SNX31: variants seen among roughly 807,000 people sequenced by gnomAD.
SNX31 encodes sorting nexin-31.
In SNX31, 58 loss-of-function variants were observed where a neutral mutation model predicts 65.4. The observed-to-expected ratio is 0.89, with a 90% confidence interval of 0.72 to 1.10. The LOEUF is 1.10. SNX31 is among the 50% of genes least tolerant of loss of function. The pLI, the probability that SNX31 is intolerant of heterozygous loss-of-function variation, is 0.00. For missense variants in SNX31, 523 were observed against 529.7 expected, an observed-to-expected ratio of 0.99 and a Z score of 0.12; for synonymous variants, 181 against 190.1, an observed-to-expected ratio of 0.95 and a Z score of 0.39.
At chr8:100,628,988 A>G (rs1818245767) in intron 4 of SNX31, among the ~76,000 whole-genome samples, 1 of 152,148 alleles carries the variant, frequency 6.6e-6, no homozygotes, top group South Asian at 2.1e-4. Context: ...TCAATTGTCT[A>G]CAGTATGCAG....
At chr8:100,590,643 A>G (rs1339714664) in intron 10 of SNX31, among the ~76,000 whole-genome samples, 3 of 150,768 alleles carry the variant, frequency 2.0e-5, no homozygotes, top group Non-Finnish European at 4.4e-5. Context: ...TTAGCTGGGT[A>G]TGGTGGCTGG....
At chr8:100,597,163 GAA>G (rs769587434) in intron 9 of SNX31, among the ~76,000 whole-genome samples, 1 of 151,446 alleles carries the variant, frequency 6.6e-6, no homozygotes, top group Non-Finnish European at 1.5e-5. Context: ...GAAGAATGAA[GAA>G]AAGAGTCCAT....
At chr8:100,642,901 C>G (rs1222300966) in intron 2 of SNX31, among the ~76,000 whole-genome samples, 1 of 151,962 alleles carries the variant, frequency 6.6e-6, no homozygotes, top group Non-Finnish European at 1.5e-5. Flanking sequence ...TTCATAAACC[C>G]CAGAACAGGG....
intron 10 of SNX31, among the ~76,000 whole-genome samples, chr8:100,591,564 G>A (rs1814595323): frequency 1.3e-5 from 2 of 151,984 alleles, no homozygotes; most frequent in Admixed American, 1.3e-4. Flanking sequence ...CCAGGCATGG[G>A]GGCTCATGCC....
In SNX31 at chr8:100,612,921, G is replaced by T; in HGVS notation, c.523+74C>A. 7.6e-7 allele frequency: 1 copy of T among 1,308,212 alleles called. No homozygotes were observed. The highest frequency in any genetic ancestry group is 1.1e-6 in the Non-Finnish European group (1 of 902,424). The allele number at this position is 1,308,212 out of a possible 1,614,324, so 81.0% of individuals were successfully genotyped here. ...CCAGTGGGTGGCCAGCCCCTCAGCTGTGACTCCTATGAGCCCCTGCTCACA... is the reference window on the plus strand; with the variant it reads ...CCAGTGGGTGGCCAGCCCCTCAGCTTTGACTCCTATGAGCCCCTGCTCACA... On this transcript the variant is annotated intron_variant, in intron 6 of 13. Transcript: ENST00000311812. This position sits in a 1 kb window ranked among gnomAD's most constrained non-coding sequence, Gnocchi z 4.3.
intron 8 of SNX31, among the ~76,000 whole-genome samples, chr8:100,603,529 G>A (rs767553770): frequency 6.0e-5 from 9 of 151,014 alleles, no homozygotes; most frequent in Non-Finnish European, 1.0e-4. Flanking sequence ...TCCGCCTCCC[G>A]GGTTCAAGTG....
At chr8:100,624,949 G>A (rs375828590) in intron 4 of SNX31, among the ~76,000 whole-genome samples, 2 of 151,924 alleles carry the variant, frequency 1.3e-5, no homozygotes, top group South Asian at 2.1e-4. Flanking sequence ...CTATAGACAC[G>A]TGCCACTACC....
rs187623210 is a variant in SNX31 at position 100,626,827 on chromosome 8, A to G, written c.321+3500T>C. Among the ~76,000 whole-genome samples, 48 of 152,314 alleles carry G rather than the reference A, an allele frequency of 3.2e-4. No homozygotes were observed. The highest frequency in any genetic ancestry group is 5.0e-4 in the Non-Finnish European group (34 of 68,034). On this transcript the variant is annotated intron_variant, in intron 4 of 13. Transcript: ENST00000311812. This position sits in a 1 kb window ranked among gnomAD's most constrained non-coding sequence, Gnocchi z 4.4. ...AATGAAGACCTCAAAGAATAGATAA[A>G]AGCCTCAAGAAATAAGATAACAAAA...
At chr8:100,598,698 C>A (rs1234497123) in intron 9 of SNX31, among the ~76,000 whole-genome samples, 1 of 149,838 alleles carries the variant, frequency 6.7e-6, no homozygotes, top group African/African-American at 2.6e-5. Context: ...TTAACATACA[C>A]AGCTGCAGAA....
intron 4 of SNX31, chr8:100,619,732 C>G (rs1447046213): frequency 6.6e-6 from 1 of 152,268 alleles, no homozygotes; most frequent in Non-Finnish European, 1.5e-5. Flanking sequence ...CACAGCCTTT[C>G]TCATCCCAGA....
intron 10 of SNX31, among the ~76,000 whole-genome samples, chr8:100,595,881 A>G (rs1243766604): frequency 1.3e-5 from 2 of 152,230 alleles, no homozygotes; most frequent in African/African-American, 4.8e-5. Context: ...GCAATGCCAG[A>G]AACACCAGAA....
chr8:100,577,195 G>C (rs577408735), intron 12 of SNX31, 120 bp from the exon 13 acceptor site: 5 of 793,172 alleles, frequency 6.3e-6, no homozygotes, highest in African/African-American at 5.2e-5. Context: ...AAAGGCTGCC[G>C]GTCAGCAGGT....
At chr8:100,644,048 G>T (rs1367573076) in intron 2 of SNX31, among the ~76,000 whole-genome samples, 1 of 152,162 alleles carries the variant, frequency 6.6e-6, no homozygotes, top group Non-Finnish European at 1.5e-5. Context: ...CCCAGGCAGA[G>T]GAAGTGAGCC....
At position 100,573,560 on chromosome 8, in the gene SNX31, A is replaced by G; in HGVS notation, c.*305T>C. On this transcript the variant is annotated 3_prime_UTR_variant, in exon 14 of 14. Coordinates refer to ENST00000311812, the MANE Select transcript of SNX31 (RefSeq NM_152628.4). ...GAAAAAATAGAATGAGTTTTATATGAGTTGATTTGAATTTGCCACTTGTCA... is the reference window on the plus strand; with the variant it reads ...GAAAAAATAGAATGAGTTTTATATGGGTTGATTTGAATTTGCCACTTGTCA... 4.8e-6 allele frequency: 1 copy of G among 207,476 alleles called. No homozygotes were observed. The highest frequency in any genetic ancestry group is 9.5e-6 in the Non-Finnish European group (1 of 105,040). The allele number at this position is 207,476 out of a possible 1,614,324, so 12.9% of individuals were successfully genotyped here. A position where few individuals can be genotyped will look rare whatever the true frequency, so the allele number is the denominator to read the frequency against.
At chr8:100,655,813 T>C (rs931913601) in intron 1 of SNX31, among the ~76,000 whole-genome samples, 3 of 152,122 alleles carry the variant, frequency 2.0e-5, no homozygotes, top group Admixed American at 1.3e-4. Context: ...GCCCTGTAGA[T>C]GAAGAAGAGC....
At chr8:100,596,863 TG>T in intron 9 of SNX31, 21 bp from the exon 10 acceptor site, 2 of 1,610,632 alleles carry the variant, frequency 1.2e-6, no homozygotes, top group Non-Finnish European at 1.7e-6. Context: ...GAGGGTGATG[TG>T]GGGGGAGGGG....
intron 12 of SNX31, among the ~76,000 whole-genome samples, chr8:100,582,987 A>AG (rs1554571037): frequency 6.6e-6 from 1 of 151,946 alleles, no homozygotes; most frequent in Non-Finnish European, 1.5e-5. Context: ...ATCTAAAAAA[A>AG]AAAAGAAAAG....
At chr8:100,663,121 G>A (rs1217206460) in intron 1 of SNX31, 3 of 152,230 alleles carry the variant, frequency 2.0e-5, no homozygotes, top group East Asian at 1.9e-4. Flanking sequence ...GCTCCAAAAG[G>A]AGCGGGGGTT....
chr8:100,635,107 G>C (rs1007031784), intron 3 of SNX31, among the ~76,000 whole-genome samples: 2 of 151,550 alleles, frequency 1.3e-5, no homozygotes, highest in African/African-American at 4.8e-5. Context: ...AGACATTTAG[G>C]CTGGGTGTGG....
Sources: allele counts gnomAD v4.1 joint callset (sites outside exome capture counted in the v4.1 genomes callset), GRCh38; gene constraint gnomAD v4.1.1; non-coding constraint Gnocchi (gnomAD v3.1); transcripts MANE v1.5; gene names NCBI Gene and HGNC (gene_info 2026-07-23, HGNC 2026-07-21).